The following GABRB3 variants were observed in gnomAD, a reference collection of about 807,000 sequenced individuals.
The protein encoded by GABRB3 is gamma-aminobutyric acid receptor subunit beta-3.
In GABRB3, 14 loss-of-function variants were observed where a neutral mutation model predicts 52.1. That is an observed-to-expected ratio of 0.27 (90% CI 0.18 to 0.42). The LOEUF is 0.42. Among genes scored for constraint, GABRB3 ranks in the 10% least tolerant of loss-of-function variants. GABRB3 has a pLI of 1.00. For synonymous variants in GABRB3, 260 were observed against 232.3 expected, an observed-to-expected ratio of 1.12 and a Z score of -1.08; for missense variants, 307 against 609.1, an observed-to-expected ratio of 0.50 and a Z score of 5.22.
Position 26,556,945 on chromosome 15 carries a change from T to C in GABRB3, c.1080+3987A>G, listed in dbSNP as rs539871108. Among the ~76,000 whole-genome samples the C allele has an allele frequency of 1.0e-3, 152 of 152,270 alleles. 1 individual carries two copies. Among genetic ancestry groups the C allele is most frequent in the African/African-American group, 3.6e-3 (148 of 41,556 alleles). On this transcript the variant is annotated intron_variant, in intron 8 of 8. Coordinates refer to ENST00000311550, the MANE Select transcript of GABRB3 (RefSeq NM_000814.6). Reference sequence around the variant, plus strand: ...GTCAGGGCGAAGCTGCTGGGTGTTGTTGGCCACACTGAGATGCAATCCCAG... The same window carrying C: ...GTCAGGGCGAAGCTGCTGGGTGTTGCTGGCCACACTGAGATGCAATCCCAG...
At chr15:26,764,180 ATATATATATATATATATAT>A (rs1300611356) in intron 3 of GABRB3, among the ~76,000 whole-genome samples, 7 of 4,452 alleles carry the variant, frequency 1.6e-3, no homozygotes, top group Admixed American at 3.6e-3. Flanking sequence ...AAAAAAAAAA[ATATATATATATATATATAT>A]ATATATATAT....
At chr15:26,683,351 T>TGGA (rs59763786) in intron 3 of GABRB3, among the ~76,000 whole-genome samples, 4,372 of 151,880 alleles carry the variant, frequency 0.029, 213 homozygotes, top group African/African-American at 0.099. Context: ...CCACCTGGAG[T>TGGA]TTCAGAGCTC....
chr15:26,637,795 G>A (rs950967448), intron 3 of GABRB3, among the ~76,000 whole-genome samples: 1 of 152,126 alleles, frequency 6.6e-6, no homozygotes, highest in African/African-American at 2.4e-5. Flanking sequence ...GATAGTTGGC[G>A]ACCATTGTCC....
intron 4 of GABRB3, among the ~76,000 whole-genome samples, chr15:26,586,686 CAA>C (rs1179931462): frequency 1.0e-4 from 10 of 98,676 alleles, no homozygotes; most frequent in African/African-American, 4.2e-4. Context: ...GACTCCATCT[CAA>C]AAAAAAAAAA....
At chr15:26,618,862 T>C (rs1207380237) in intron 4 of GABRB3, among the ~76,000 whole-genome samples, 2 of 151,010 alleles carry the variant, frequency 1.3e-5, no homozygotes, top group South Asian at 2.1e-4. Flanking sequence ...GCGAAGGACA[T>C]GAACAGACAC....
At chr15:26,672,206 G>A (rs1016647326) in intron 3 of GABRB3, among the ~76,000 whole-genome samples, 1 of 152,162 alleles carries the variant, frequency 6.6e-6, no homozygotes, top group Non-Finnish European at 1.5e-5. Context: ...AAGGAACGCA[G>A]GAAGAAACTT....
rs111596597 is a variant in GABRB3, at chr15:26,580,363, A to G, written c.638T>C (p.Ile213Thr). ...CCTCGAGACCAGACGGTGCTCCACG[A>G]TGGAGAACTGCGGGAGCTCAATCCT... ...VERIELPQFS[I>T]VEHRLVSRNV... Residue 213 changes from isoleucine (I) to threonine (T), a missense_variant, in exon 6 of 9, where the codon ATC becomes ACC. Coordinates refer to ENST00000311550, the MANE Select transcript of GABRB3 (RefSeq NM_000814.6). 5.6e-6 allele frequency: 9 copies of G among 1,614,202 alleles called. No homozygotes were observed. The highest frequency in any genetic ancestry group is 7.6e-6 in the Non-Finnish European group (9 of 1,180,038).
chr15:26,704,886 C>G (rs575085308), intron 3 of GABRB3, among the ~76,000 whole-genome samples: 1 of 152,306 alleles, frequency 6.6e-6, no homozygotes, highest in South Asian at 2.1e-4. Flanking sequence ...TTCACCTCTC[C>G]TCTTCTTCTG....
intron 4 of GABRB3, among the ~76,000 whole-genome samples, chr15:26,585,464 G>T (rs1431585224): frequency 1.3e-5 from 2 of 152,000 alleles, no homozygotes; most frequent in African/African-American, 2.4e-5. Context: ...AATACTGATG[G>T]ACTTGTGTCA....
At chr15:26,752,667 T>C (rs561430834) in intron 3 of GABRB3, among the ~76,000 whole-genome samples, 1 of 152,332 alleles carries the variant, frequency 6.6e-6, no homozygotes, top group South Asian at 2.1e-4. Context: ...CTACACGTTG[T>C]GGAATGGTAT....
intron 4 of GABRB3, chr15:26,614,631 G>A (rs1009458388): frequency 6.6e-6 from 1 of 152,122 alleles, no homozygotes. Flanking sequence ...AAAATCACAC[G>A]AGACCTAATA....
intron 3 of GABRB3, among the ~76,000 whole-genome samples, chr15:26,650,882 G>A (rs2037542471): frequency 1.3e-5 from 2 of 152,090 alleles, no homozygotes; most frequent in Admixed American, 6.6e-5. Context: ...TCAGGCTTCA[G>A]GAAAGATGGC....
chr15:26,765,087 G>A (rs1052014609), intron 3 of GABRB3, among the ~76,000 whole-genome samples: 5 of 134,748 alleles, frequency 3.7e-5, no homozygotes, highest in Non-Finnish European at 7.6e-5. Flanking sequence ...CCGACATCAC[G>A]CCACTGCACT....
intron 3 of GABRB3, among the ~76,000 whole-genome samples, chr15:26,676,040 C>A (rs1056344977): frequency 5.3e-5 from 8 of 152,102 alleles, no homozygotes; most frequent in African/African-American, 1.9e-4. Context: ...AGAACTTATG[C>A]AGTATTCAAG....
At chr15:26,771,859 G>T (rs1320450045) in intron 3 of GABRB3, 2 of 152,424 alleles carry the variant, frequency 1.3e-5, no homozygotes, top group African/African-American at 4.8e-5. Context: ...TGCCGGGCCC[G>T]GGTCTCCCAG....
rs779891729 is a variant in GABRB3 at position 26,742,924 on chromosome 15, C to CTTTT, written c.240+29474_240+29477dup. Among the ~76,000 whole-genome samples, 349 of 48,814 alleles carry CTTTT rather than the reference C, an allele frequency of 7.1e-3. 5 individuals are homozygous for CTTTT. The highest frequency in any genetic ancestry group is 0.015 in the African/African-American group (270 of 17,430). 32.0% of individuals were successfully genotyped at this position (48,814 alleles called of 152,430 possible). ...ACCTTATCATTAGCCATTAGAGATT[C>CTTTT]TTTTTTTTTTTTTTTTTTTTTTTGA... On this transcript the variant is annotated intron_variant, in intron 3 of 8. Coordinates refer to ENST00000311550, the MANE Select transcript of GABRB3 (RefSeq NM_000814.6).
In GABRB3 at chr15:26,715,039, G is replaced by A. The variant is rs1391593844; in HGVS notation, c.240+57363C>T. Among the ~76,000 whole-genome samples the A allele has an allele frequency of 6.6e-5, 10 of 152,166 alleles. No homozygotes were observed. In the East Asian group the frequency reaches 1.7e-3, roughly 26 times the overall value. On this transcript the variant is annotated intron_variant, in intron 3 of 8. Transcript: ENST00000311550. Reference sequence around the variant, plus strand: ...GTTAGGCACAAAAAACAAGGTGCCAGGTAAATATATCCATACTGAGGGCAT... The same window carrying A: ...GTTAGGCACAAAAAACAAGGTGCCAAGTAAATATATCCATACTGAGGGCAT...
chr15:26,654,656 T>C (rs957988176), intron 3 of GABRB3, among the ~76,000 whole-genome samples: 3 of 152,010 alleles, frequency 2.0e-5, no homozygotes, highest in African/African-American at 7.2e-5. Context: ...CACTCCTGGG[T>C]AGGCTGACTT....
At chr15:26,625,464 G>C in intron 3 of GABRB3, 1 of 985,164 alleles carries the variant, frequency 1.0e-6, no homozygotes, top group Non-Finnish European at 1.2e-6. Flanking sequence ...CCAAAGAGAA[G>C]AGCACAGTCA....
Sources: gnomAD v4.1 joint callset for allele counts (sites outside exome capture counted in the v4.1 genomes callset) on GRCh38, gnomAD v4.1.1 for gene constraint, MANE v1.5 for transcripts, NCBI Gene and HGNC (gene_info 2026-07-23, HGNC 2026-07-21) for gene names.